GABRB1: variants seen among roughly 807,000 people sequenced by gnomAD.
GABRB1 encodes the protein gamma-aminobutyric acid type A receptor subunit beta1, also known as gamma-aminobutyric acid receptor subunit beta-1.
A neutral mutation model predicts 51.6 loss-of-function variants in GABRB1; 17 were observed. That is an observed-to-expected ratio of 0.33 (90% CI 0.23 to 0.49). The LOEUF is 0.49. Ranked by LOEUF, GABRB1 falls within the 20% of genes least tolerant of loss-of-function variation. The pLI is 0.99. For synonymous variants in GABRB1, 247 were observed against 218.9 expected, an observed-to-expected ratio of 1.13 and a Z score of -1.14; for missense variants, 410 against 600.6, an observed-to-expected ratio of 0.68 and a Z score of 3.32.
intron 1 of GABRB1, among the ~76,000 whole-genome samples, chr4:46,995,939 A>G (rs1723980474): frequency 6.6e-6 from 1 of 152,190 alleles, no homozygotes; most frequent in African/African-American, 2.4e-5. Flanking sequence ...AGATAATACT[A>G]AAGGCATTTA....
intron 5 of GABRB1, among the ~76,000 whole-genome samples, chr4:47,349,916 T>G (rs1726245132): frequency 6.6e-6 from 1 of 152,066 alleles, no homozygotes; most frequent in African/African-American, 2.4e-5. Context: ...ATACACACAC[T>G]TTATAGCCCT....
intron 4 of GABRB1, among the ~76,000 whole-genome samples, chr4:47,250,604 T>A (rs1402937459): frequency 6.6e-6 from 1 of 152,180 alleles, no homozygotes; most frequent in Non-Finnish European, 1.5e-5. Flanking sequence ...TTAGGTTTGG[T>A]CATTTAACAT....
At chr4:47,149,611 T>A (rs756747112) in intron 3 of GABRB1, among the ~76,000 whole-genome samples, 1 of 152,064 alleles carries the variant, frequency 6.6e-6, no homozygotes, top group Non-Finnish European at 1.5e-5. Flanking sequence ...TGTTTTCCCA[T>A]GCCATTAGTA....
intron 5 of GABRB1, among the ~76,000 whole-genome samples, chr4:47,378,079 G>T (rs568570696): frequency 1.3e-5 from 2 of 152,350 alleles, no homozygotes; most frequent in East Asian, 3.9e-4. Context: ...GGGACTGGGC[G>T]CCGTAGAGCA....
chr4:47,006,541 T>C (rs1170185630), intron 1 of GABRB1, among the ~76,000 whole-genome samples: 1 of 152,202 alleles, frequency 6.6e-6, no homozygotes, highest in Non-Finnish European at 1.5e-5. Context: ...CATTTTATTA[T>C]AGTGACTTGA....
intron 3 of GABRB1, among the ~76,000 whole-genome samples, chr4:47,073,116 C>T (rs1336064776): frequency 6.6e-6 from 1 of 152,166 alleles, no homozygotes; most frequent in African/African-American, 2.4e-5. Context: ...ATGGCAATAG[C>T]TGTTTTCCAC....
At chr4:47,145,941 TC>T (rs1717151228) in intron 3 of GABRB1, among the ~76,000 whole-genome samples, 1 of 152,088 alleles carries the variant, frequency 6.6e-6, no homozygotes, top group Non-Finnish European at 1.5e-5. Context: ...GCCTTTTTTT[TC>T]TTCTTAAAAC....
At chr4:47,201,353 G>A (rs1719888718) in intron 4 of GABRB1, among the ~76,000 whole-genome samples, 1 of 152,144 alleles carries the variant, frequency 6.6e-6, no homozygotes, top group Non-Finnish European at 1.5e-5. Context: ...AGCTAAGACT[G>A]TTTTGGGGCA....
chr4:47,195,343 G>C (rs533135934), intron 4 of GABRB1, among the ~76,000 whole-genome samples: 43 of 151,314 alleles, frequency 2.8e-4, no homozygotes, highest in African/African-American at 1.0e-3. Context: ...CTCCAGCCTG[G>C]GCACAGAGGG....
At chr4:47,245,807 C>A (rs185872967) in intron 4 of GABRB1, among the ~76,000 whole-genome samples, 4 of 147,890 alleles carry the variant, frequency 2.7e-5, no homozygotes. Flanking sequence ...GTGGTCTTTT[C>A]GTTTTTCTTT....
At chr4:47,150,940 G>T (rs1717416247) in intron 3 of GABRB1, among the ~76,000 whole-genome samples, 3 of 151,886 alleles carry the variant, frequency 2.0e-5, no homozygotes, top group Admixed American at 6.6e-5. Flanking sequence ...AAAATACAAG[G>T]TGGTATACAG....
At chr4:47,350,228 G>T (rs1443287420) in intron 5 of GABRB1, among the ~76,000 whole-genome samples, 1 of 143,072 alleles carries the variant, frequency 7.0e-6, no homozygotes, top group Admixed American at 7.0e-5. Context: ...TAGAGAGAGA[G>T]AGAGAGAGAG....
chr4:47,404,007 C>T (rs1728485915), intron 7 of GABRB1, among the ~76,000 whole-genome samples: 1 of 152,182 alleles, frequency 6.6e-6, no homozygotes, highest in South Asian at 2.1e-4. Context: ...TTTTTACTAA[C>T]TTTGGGATGA....
intron 5 of GABRB1, among the ~76,000 whole-genome samples, chr4:47,388,449 G>A (rs965751950): frequency 2.0e-5 from 3 of 152,148 alleles, no homozygotes; most frequent in African/African-American, 7.2e-5. Flanking sequence ...CTTGCTTTAG[G>A]TGTGTTAGGT....
chr4:47,240,018 T>C (rs912081555), intron 4 of GABRB1, among the ~76,000 whole-genome samples: 1 of 152,196 alleles, frequency 6.6e-6, no homozygotes, highest in Non-Finnish European at 1.5e-5. Flanking sequence ...CAGCTCAGTT[T>C]CCTTGGATTT....
chr4:47,421,762 C>T (rs532001156), intron 8 of GABRB1, among the ~76,000 whole-genome samples: 1 of 152,116 alleles, frequency 6.6e-6, no homozygotes, highest in Non-Finnish European at 1.5e-5. Flanking sequence ...AATCCCTAAT[C>T]GTGATCTATA....
At chr4:47,067,619 A>T (rs907640161) in intron 3 of GABRB1, among the ~76,000 whole-genome samples, 1 of 151,224 alleles carries the variant, frequency 6.6e-6, no homozygotes, top group African/African-American at 2.4e-5. Flanking sequence ...AGTATATTTT[A>T]TTATTATTAT....
chr4:47,073,225 A>G (rs1727413374), intron 3 of GABRB1, among the ~76,000 whole-genome samples: 1 of 152,208 alleles, frequency 6.6e-6, no homozygotes, highest in African/African-American at 2.4e-5. Context: ...GGAAAACAGC[A>G]TAGCCCCTTT....
chr4:47,155,206 T>A (rs1717637407), intron 3 of GABRB1, among the ~76,000 whole-genome samples: 1 of 151,942 alleles, frequency 6.6e-6, no homozygotes, highest in South Asian at 2.1e-4. Context: ...ACTGCGGAAA[T>A]CATAGGCAGT....
Sources: allele counts gnomAD v4.1 joint callset (sites outside exome capture counted in the v4.1 genomes callset), GRCh38; gene constraint gnomAD v4.1.1; transcripts MANE v1.5; gene names NCBI Gene and HGNC (gene_info 2026-07-23, HGNC 2026-07-21).